Variants in TTC6 observed in about 807,000 individuals in gnomAD.
TTC6 encodes tetratricopeptide repeat domain 6.
Under a neutral mutation model 210.4 loss-of-function variants are expected in TTC6, and 172 were observed. The observed-to-expected ratio is 0.82, with a 90% CI of 0.72 to 0.93. The LOEUF (loss-of-function observed/expected upper bound fraction) is 0.93, where lower values mean the gene tolerates loss of function less well. TTC6 is among the 40% of genes least tolerant of loss of function. The pLI, the probability that TTC6 is intolerant of heterozygous loss-of-function variation, is 0.00. For synonymous variants in TTC6, 804 were observed against 819.6 expected, an observed-to-expected ratio of 0.98 and a Z score of 0.32; for missense variants, 2,414 against 2,318.1, an observed-to-expected ratio of 1.04 and a Z score of -0.85.
chr14:37,703,479 C>T (rs1396290848), intron 5 of TTC6, among the ~76,000 whole-genome samples: 10 of 152,002 alleles, frequency 6.6e-5, no homozygotes, highest in Non-Finnish European at 1.2e-4. Context: ...CCTACAAGTT[C>T]GGAGAAATGT....
chr14:37,728,422 A>AT lies in TTC6; in HGVS notation c.1818+3420_1818+3421insT, dbSNP rs1480530405. ...TGATGAAACCCTATCACTACCAAAA[A>AT]AAAAAAAAAAAAAAAAATTCTCCAC... On this transcript the variant is annotated intron_variant, in intron 7 of 30. Transcript: ENST00000553443. 1.8e-4 allele frequency among the ~76,000 whole-genome samples: 28 copies of AT among 151,682 alleles called. 1 individual carries two copies. Among genetic ancestry groups the AT allele is most frequent in the African/African-American group, 6.0e-4 (25 of 41,348 alleles).
chr14:37,796,967 A>G lies in TTC6; in HGVS notation c.4029+20A>G. 1 of 1,574,468 alleles carries G rather than the reference A, an allele frequency of 6.4e-7. No individual in the cohort carries two copies. The highest frequency in any genetic ancestry group is 2.3e-5 in the East Asian group (1 of 43,662). On this transcript the variant is annotated intron_variant, in intron 20 of 30. Coordinates refer to ENST00000553443, the Ensembl canonical transcript of TTC6. ...ACCAAGGTGAAAAGTCCTCTGAGTA[A>G]TGTTTACTAAACCTATTAATGAAGT...
At chr14:37,772,126 G>A (rs1326909021) in intron 14 of TTC6, among the ~76,000 whole-genome samples, 3 of 152,162 alleles carry the variant, frequency 2.0e-5, no homozygotes, top group Non-Finnish European at 4.4e-5. Flanking sequence ...GGGGATCAGG[G>A]GTCAGGGACC....
intron 1 of TTC6, among the ~76,000 whole-genome samples, chr14:37,637,554 G>A (rs551003293): frequency 6.6e-6 from 1 of 152,050 alleles, no homozygotes; most frequent in Non-Finnish European, 1.5e-5. Flanking sequence ...AGGATCTCTC[G>A]AACCAAAGAG....
At chr14:37,808,236 G>A (rs1255276651) in intron 23 of TTC6, among the ~76,000 whole-genome samples, 1 of 152,128 alleles carries the variant, frequency 6.6e-6, no homozygotes, top group East Asian at 1.9e-4. Context: ...CTTGCATTAT[G>A]TGTTAATTCT....
At chr14:37,677,158 C>T (rs993293154) in intron 1 of TTC6, among the ~76,000 whole-genome samples, 1 of 151,894 alleles carries the variant, frequency 6.6e-6, no homozygotes, top group Non-Finnish European at 1.5e-5. Context: ...GGGAGTCTTG[C>T]CATCTTAACA....
chr14:37,657,451 G>C (rs535228971), intron 1 of TTC6, among the ~76,000 whole-genome samples: 1 of 151,940 alleles, frequency 6.6e-6, no homozygotes, highest in African/African-American at 2.4e-5. Flanking sequence ...TTTGGGAAGT[G>C]AATTCCTGAG....
chr14:37,753,911 A>G (rs2095960021), intron 14 of TTC6, among the ~76,000 whole-genome samples: 1 of 151,668 alleles, frequency 6.6e-6, no homozygotes, highest in Non-Finnish European at 1.5e-5. Context: ...ATTGTATTGT[A>G]TATTAAACTT....
intron 2 of TTC6, among the ~76,000 whole-genome samples, chr14:37,612,785 C>T (rs955861205): frequency 2.0e-5 from 3 of 152,094 alleles, no homozygotes; most frequent in African/African-American, 7.2e-5. Context: ...TTTCCAGTTG[C>T]TTGCTGCTAC....
intron 4 of TTC6, among the ~76,000 whole-genome samples, chr14:37,699,090 A>C (rs950430246): frequency 1.3e-4 from 20 of 152,190 alleles, no homozygotes; most frequent in African/African-American, 4.8e-4. Flanking sequence ...GGGTGACACA[A>C]GAGTAGAGCA....
At chr14:37,624,197 C>A (rs1298398639) in intron 1 of TTC6, among the ~76,000 whole-genome samples, 2 of 152,162 alleles carry the variant, frequency 1.3e-5, no homozygotes, top group Non-Finnish European at 2.9e-5. Flanking sequence ...CAGAGTATGA[C>A]AAATGTTCTG....
chr14:37,703,990 T>C (rs954254465), intron 5 of TTC6, among the ~76,000 whole-genome samples: 4 of 152,184 alleles, frequency 2.6e-5, no homozygotes, highest in African/African-American at 9.6e-5. Flanking sequence ...CTTGTATATG[T>C]ATGTGTTTAA....
intron 5 of TTC6, among the ~76,000 whole-genome samples, chr14:37,712,422 C>T (rs970121251): frequency 2.6e-5 from 4 of 152,170 alleles, no homozygotes; most frequent in Non-Finnish European, 5.9e-5. Flanking sequence ...TAGACCTTCC[C>T]CTGTTCTTTT....
intron 14 of TTC6, among the ~76,000 whole-genome samples, chr14:37,762,520 T>C (rs1426279009): frequency 6.6e-6 from 1 of 152,210 alleles, no homozygotes; most frequent in Non-Finnish European, 1.5e-5. Flanking sequence ...TGTGAAGTGA[T>C]AGCTCATTGT....
At chr14:37,674,575 T>C in intron 1 of TTC6, among the ~76,000 whole-genome samples, 1 of 152,138 alleles carries the variant, frequency 6.6e-6, no homozygotes, top group Non-Finnish European at 1.5e-5. Context: ...AATAATTTGC[T>C]TGAGAATGTC....
chr14:37,730,532 A>C (rs2095883215), intron 7 of TTC6, among the ~76,000 whole-genome samples: 1 of 152,188 alleles, frequency 6.6e-6, no homozygotes, highest in Non-Finnish European at 1.5e-5. Context: ...ATAATTACAT[A>C]GATTTAACTA....
intron 1 of TTC6, among the ~76,000 whole-genome samples, chr14:37,652,441 GAC>G (rs1245154736): frequency 6.6e-6 from 1 of 151,964 alleles, no homozygotes. Context: ...GAGAGAGAGA[GAC>G]GGAAGATGCA....
At chr14:37,725,312 G>GTATATATATATA (rs1169644241) in intron 7 of TTC6, among the ~76,000 whole-genome samples, 2 of 33,914 alleles carry the variant, frequency 5.9e-5, no homozygotes, top group African/African-American at 1.0e-4. Context: ...GTGTGTGTGT[G>GTATATATATATA]TATATATATA....
At chr14:37,802,879 C>T (rs1241658010) in intron 20 of TTC6, among the ~76,000 whole-genome samples, 3 of 151,982 alleles carry the variant, frequency 2.0e-5, no homozygotes, top group Admixed American at 6.6e-5. Flanking sequence ...ATTATAGGCA[C>T]ATACCACTAT....
Sources: gnomAD v4.1 joint callset for allele counts (sites outside exome capture counted in the v4.1 genomes callset) on GRCh38, gnomAD v4.1.1 for gene constraint, MANE v1.5 for transcripts, NCBI Gene and HGNC (gene_info 2026-07-23, HGNC 2026-07-21) for gene names.